Variants in CACNA1C observed in about 807,000 individuals in gnomAD.
CACNA1C encodes the protein calcium voltage-gated channel subunit alpha1 C.
CACNA1C carries 30 observed loss-of-function variants against 229.0 expected under a neutral mutation model. That is an observed-to-expected ratio of 0.13 (90% CI 0.10 to 0.18). The LOEUF is 0.18. CACNA1C is among the 10% of genes least tolerant of loss of function. The pLI, the probability that CACNA1C is intolerant of heterozygous loss-of-function variation, is 1.00. For synonymous variants in CACNA1C, 1,114 were observed against 1,132.5 expected (o/e 0.98, Z 0.33); for missense variants, 1,658 against 2,845.0 (o/e 0.58, Z 9.49).
At chr12:2,038,858 C>T (rs2068598) in intron 1 of CACNA1C, among the ~76,000 whole-genome samples, 3,939 of 152,082 alleles carry the variant, frequency 0.026, 177 homozygotes, top group African/African-American at 0.09. Flanking sequence ...CAGCAACACC[C>T]TGACTGTCCT....
At chr12:2,325,473 T>A (rs897186176) in intron 3 of CACNA1C, among the ~76,000 whole-genome samples, 1 of 152,218 alleles carries the variant, frequency 6.6e-6, no homozygotes, top group Non-Finnish European at 1.5e-5. Context: ...GGTATATGGT[T>A]TATTGGAAGG....
chr12:2,096,349 C>T (rs1414881055), intron 1 of CACNA1C, among the ~76,000 whole-genome samples: 1 of 152,166 alleles, frequency 6.6e-6, no homozygotes. Flanking sequence ...TGAGGGCTTG[C>T]CGGAAGCACT....
chr12:1,996,638 A>C (rs886653265), intron 1 of CACNA1C, among the ~76,000 whole-genome samples: 2,314 of 123,554 alleles, frequency 0.019, 178 homozygotes, highest in African/African-American at 0.07. Context: ...AAAAAAAAAA[A>C]AAAAAAAAAA....
chr12:2,267,073 T>C (rs997979704), intron 3 of CACNA1C, among the ~76,000 whole-genome samples: 1 of 152,190 alleles, frequency 6.6e-6, no homozygotes, highest in Non-Finnish European at 1.5e-5. Flanking sequence ...ACGTGGACTT[T>C]GGCTGGTTTG....
chr12:2,057,535 A>G (rs956723751), intron 1 of CACNA1C, among the ~76,000 whole-genome samples: 1 of 152,268 alleles, frequency 6.6e-6, no homozygotes, highest in African/African-American at 2.4e-5. Flanking sequence ...CAGGTAACCC[A>G]AAAGACCAGT....
intron 4 of CACNA1C, among the ~76,000 whole-genome samples, chr12:2,454,615 G>A (rs2099405322): frequency 1.3e-5 from 2 of 152,132 alleles, no homozygotes; most frequent in African/African-American, 4.8e-5. Context: ...AGATCTGCTT[G>A]GTACCTGGAA....
intron 3 of CACNA1C, among the ~76,000 whole-genome samples, chr12:2,281,862 A>AT (rs530416693): frequency 6.8e-4 from 102 of 149,504 alleles, no homozygotes; most frequent in African/African-American, 2.3e-3. Flanking sequence ...ATTATTTATA[A>AT]TTTTTTTTTT....
At chr12:2,184,215 A>G (rs1167666365) in intron 3 of CACNA1C, among the ~76,000 whole-genome samples, 1 of 152,224 alleles carries the variant, frequency 6.6e-6, no homozygotes, top group South Asian at 2.1e-4. Context: ...CTCTGTGTTT[A>G]GCAGCCGAAG....
In CACNA1C at chr12:2,493,032, T is replaced by C. The variant is rs2099739480; in HGVS notation, c.917-158T>C. On this transcript the variant is annotated intron_variant, in intron 6 of 46. Transcript: ENST00000399655. This position sits in a 1 kb window ranked among gnomAD's most constrained non-coding sequence, Gnocchi z 4.6. ...TTTCTTGTGTTGCTTAATTCACATC[T>C]GGGGACCTGATTTAAACATGTCTTG... Among the ~76,000 whole-genome samples the C allele has an allele frequency of 6.6e-6, 1 of 152,216 alleles. No individual in the cohort carries two copies. Among genetic ancestry groups the C allele is most frequent in the Non-Finnish European group, 1.5e-5 (1 of 68,038 alleles).
At chr12:2,321,720 T>A (rs2096007897) in intron 3 of CACNA1C, among the ~76,000 whole-genome samples, 1 of 152,096 alleles carries the variant, frequency 6.6e-6, no homozygotes, top group South Asian at 2.1e-4. Context: ...AAGGTGACAT[T>A]TGAGCCGAGA....
chr12:2,422,552 A>G (rs2098989602), intron 3 of CACNA1C, among the ~76,000 whole-genome samples: 1 of 152,050 alleles, frequency 6.6e-6, no homozygotes, highest in African/African-American at 2.4e-5. Context: ...GTACCATAGG[A>G]TGGCCATGTT....
Position 2,410,966 on chromosome 12 carries a change from C to T in CACNA1C, c.478-38010C>T, listed in dbSNP as rs2098800944. On this transcript the variant is annotated intron_variant, in intron 3 of 46. Coordinates refer to ENST00000399655, the MANE Select transcript of CACNA1C (RefSeq NM_000719.7). The surrounding 1 kb of genome is among the most constrained non-coding windows in gnomAD (Gnocchi z 5.3). The stretch of plus-strand genomic sequence containing the variant: ...TCTCTCATCTTTCTCTCCCTACTCC[C>T]CTTGCAGCATGAGAGGCCCAGTACC... Among the ~76,000 whole-genome samples the T allele has an allele frequency of 6.6e-6, 1 of 152,110 alleles. No individual in the cohort carries two copies. The highest frequency in any genetic ancestry group is 6.6e-5 in the Admixed American group (1 of 15,260).
At position 2,486,388 on chromosome 12, in the gene CACNA1C, A is replaced by G; in HGVS notation, c.916+126A>G. The stretch of plus-strand genomic sequence containing the variant: ...GAAGGCCCCATTCATTCAGACACAC[A>G]CTGGGCATGGTTAAGTGAGAGGCAG... On this transcript the variant is annotated intron_variant, in intron 6 of 46. Coordinates refer to ENST00000399655, the MANE Select transcript of CACNA1C (RefSeq NM_000719.7). This position sits in a 1 kb window ranked among gnomAD's most constrained non-coding sequence, Gnocchi z 4.9. The G allele has an allele frequency of 1.5e-6, 1 of 683,792 alleles. No homozygotes were observed. Among genetic ancestry groups the G allele is most frequent in the South Asian group, 2.6e-5 (1 of 37,970 alleles). 42.4% of individuals were successfully genotyped at this position (683,792 alleles called of 1,614,324 possible).
intron 3 of CACNA1C, among the ~76,000 whole-genome samples, chr12:2,277,314 A>G (rs560708933): frequency 3.4e-4 from 50 of 148,136 alleles, no homozygotes; most frequent in African/African-American, 1.0e-3. Context: ...GGTTTAATTC[A>G]TCTCTCTCTC....
intron 3 of CACNA1C, among the ~76,000 whole-genome samples, chr12:2,216,754 A>G (rs2060080765): frequency 6.6e-6 from 1 of 152,312 alleles, no homozygotes; most frequent in African/African-American, 2.4e-5. Context: ...GGTGATTCTA[A>G]TAGGCAGCCA....
intron 3 of CACNA1C, among the ~76,000 whole-genome samples, chr12:2,233,333 T>C (rs1458649878): frequency 6.6e-6 from 1 of 152,258 alleles, no homozygotes; most frequent in East Asian, 1.9e-4. Context: ...TTTCACTCAT[T>C]CATTAAGTCA....
chr12:2,282,161 T>C (rs556937259), intron 3 of CACNA1C, among the ~76,000 whole-genome samples: 20 of 152,296 alleles, frequency 1.3e-4, no homozygotes, highest in Non-Finnish European at 1.5e-4. Flanking sequence ...AGAGCTTCTG[T>C]TCCCAAAGCC....
intron 42 of CACNA1C, chr12:2,680,274 C>T (rs767804232): frequency 8.7e-6 from 9 of 1,037,476 alleles, no homozygotes; most frequent in Non-Finnish European, 1.1e-5. Context: ...CCCATTCTGC[C>T]CAGCACAGGA....
rs929187838 is a variant in CACNA1C at position 2,678,598 on chromosome 12, C to T, written c.5091+731C>T. 2.6e-5 allele frequency among the ~76,000 whole-genome samples: 4 copies of T among 152,364 alleles called. No individual in the cohort carries two copies. The highest frequency in any genetic ancestry group is 3.4e-3 in the Middle Eastern group (1 of 294). On this transcript the variant is annotated intron_variant, in intron 41 of 46. Coordinates refer to ENST00000399655, the MANE Select transcript of CACNA1C (RefSeq NM_000719.7). This position sits in a 1 kb window ranked among gnomAD's most constrained non-coding sequence, Gnocchi z 4.1. ...TGCTCACACCGCTCTCTCCCGGCCGCGGGCCCAGTTCCCAGGCTGTGGAAC... is the reference window on the plus strand; with the variant it reads ...TGCTCACACCGCTCTCTCCCGGCCGTGGGCCCAGTTCCCAGGCTGTGGAAC...
Sources: allele counts gnomAD v4.1 joint callset (sites outside exome capture counted in the v4.1 genomes callset), GRCh38; gene constraint gnomAD v4.1.1; non-coding constraint Gnocchi (gnomAD v3.1); transcripts MANE v1.5; gene names NCBI Gene and HGNC (gene_info 2026-07-23, HGNC 2026-07-21).